ARL10: variants seen among roughly 807,000 people sequenced by gnomAD.
ARL10 encodes the protein ARF like GTPase 10, also known as ADP-ribosylation factor-like protein 10.
A neutral mutation model predicts 26.1 loss-of-function variants in ARL10; 23 were observed. That is an observed-to-expected ratio of 0.88 (90% CI 0.63 to 1.25). The LOEUF (loss-of-function observed/expected upper bound fraction) is 1.25, where lower values mean the gene tolerates loss of function less well. ARL10 is among the 50% of genes most tolerant of loss of function. The pLI is 0.00. For synonymous variants in ARL10, 138 were observed against 149.1 expected, an observed-to-expected ratio of 0.93 and a Z score of 0.54; for missense variants, 300 against 323.6, an observed-to-expected ratio of 0.93 and a Z score of 0.56.
rs950168184 is a variant in ARL10, at chr5:176,378,496, C to T, written c.*6601C>T. Reference sequence around the variant, plus strand: ...AGGGGCTCCACTAGAAGTGAGAAACCCTCTTTGTTTCCATAACATGCCAAA... The same window carrying T: ...AGGGGCTCCACTAGAAGTGAGAAACTCTCTTTGTTTCCATAACATGCCAAA... On this transcript the variant is annotated 3_prime_UTR_variant, in exon 4 of 4. Coordinates refer to ENST00000310389, the MANE Select transcript of ARL10 (RefSeq NM_173664.6). The T allele has an allele frequency of 6.6e-6, 1 of 152,130 alleles. No individual in the cohort carries two copies. Among genetic ancestry groups the T allele is most frequent in the Non-Finnish European group, 1.5e-5 (1 of 68,018 alleles). 9.4% of individuals were successfully genotyped at this position (152,130 alleles called of 1,614,324 possible).
chr5:176,371,211 C>A (rs1768519748), intron 3 of ARL10, among the ~76,000 whole-genome samples: 1 of 152,066 alleles, frequency 6.6e-6, no homozygotes, highest in Admixed American at 6.6e-5. Flanking sequence ...CCCGTCTCTA[C>A]TAAAAATACA....
chr5:176,402,101 G>C (rs867614202), downstream of ARL10, among the ~76,000 whole-genome samples: 1 of 152,052 alleles, frequency 6.6e-6, no homozygotes, highest in African/African-American at 2.4e-5. Context: ...TCAGGAGTTC[G>C]AGACCACCCT....
chr5:176,386,716 AC>A (rs776051600), downstream of ARL10: 32 of 843,272 alleles, frequency 3.8e-5, no homozygotes, highest in African/African-American at 4.6e-4. Context: ...TGAACTTTGA[AC>A]CAGCTCACTT....
chr5:176,384,497 C>T (rs1755675009), downstream of ARL10: 1 of 936,438 alleles, frequency 1.1e-6, no homozygotes, highest in South Asian at 1.6e-5. Flanking sequence ...ACCTCAAAGG[C>T]TGTGGTGCAC....
chr5:176,392,611 G>A (rs75970512), downstream of ARL10: 472 of 704,428 alleles, frequency 6.7e-4, 3 homozygotes, highest in African/African-American at 7.5e-3. The surrounding 1 kb of genome is among the most constrained non-coding windows in gnomAD (Gnocchi z 5.2). Flanking sequence ...AGGAGGGAGC[G>A]AGGCGTGATG....
chr5:176,386,704 T>C (rs763529779), downstream of ARL10: 31 of 792,112 alleles, frequency 3.9e-5, no homozygotes, highest in Admixed American at 3.1e-4. Context: ...GTCCTAACTC[T>C]GTGAACTTTG....
rs1392211746 is a variant in ARL10, at chr5:176,379,784, C to T, written c.*7889C>T. ...TGAATTTAAAAGATCTTCAGCAATT[C>T]TTCCAGTTCCTTTTTGCCTCCTCTT... On this transcript the variant is annotated 3_prime_UTR_variant, in exon 4 of 4. Transcript: ENST00000310389. The T allele has an allele frequency of 6.6e-6, 1 of 152,208 alleles. No homozygotes were observed. The highest frequency in any genetic ancestry group is 1.5e-5 in the Non-Finnish European group (1 of 68,044). The allele number at this position is 152,208 out of a possible 1,614,324, so 9.4% of individuals were successfully genotyped here.
Position 176,368,692 on chromosome 5 carries a change from G to T in ARL10, c.386-115G>T. The stretch of plus-strand genomic sequence containing the variant: ...TGGGGGCTGTGGGCAGTGAGCGGGG[G>T]CCCGGGGTGGGGTGGGGGCTGTGGG... On this transcript the variant is annotated intron_variant, in intron 2 of 3. Transcript: ENST00000310389. The surrounding 1 kb of genome is among the most constrained non-coding windows in gnomAD (Gnocchi z 4.1). 1 of 1,253,736 alleles carries T rather than the reference G, an allele frequency of 8.0e-7. No individual in the cohort carries two copies. The highest frequency in any genetic ancestry group is 2.6e-5 in the East Asian group (1 of 38,240). 77.7% of individuals were successfully genotyped at this position (1,253,736 alleles called of 1,614,324 possible). A position where few individuals can be genotyped will look rare whatever the true frequency, so the allele number is the denominator to read the frequency against.
intron 3 of ARL10, 76 bp from the exon 4 acceptor site, chr5:176,371,646 T>C: frequency 8.2e-7 from 1 of 1,217,790 alleles, no homozygotes; most frequent in East Asian, 2.3e-5. Flanking sequence ...AAGAACAGTG[T>C]GTTTCATGAA....
chr5:176,389,089 C>A, downstream of ARL10: 1 of 1,362,520 alleles, frequency 7.3e-7, no homozygotes, highest in Non-Finnish European at 1.0e-6. Flanking sequence ...AGAGAAGAGA[C>A]GAGGGGGCGG....
chr5:176,387,872 G>A (rs1756010758), intron 1 of ARL10, among the ~76,000 whole-genome samples: 1 of 152,098 alleles, frequency 6.6e-6, no homozygotes, highest in African/African-American at 2.4e-5. Flanking sequence ...CTCAGACCAA[G>A]GATGATTGAA....
chr5:176,409,227 G>A, the ARL10 span, among the ~76,000 whole-genome samples: 1 of 146,818 alleles, frequency 6.8e-6, no homozygotes, highest in Non-Finnish European at 1.5e-5. Flanking sequence ...ACCTGCCTTG[G>A]CCTCCCAAAG....
At chr5:176,406,659 G>A, downstream of ARL10, 4 of 1,289,356 alleles carry the variant, frequency 3.1e-6, no homozygotes, top group Non-Finnish European at 4.0e-6. Flanking sequence ...CTCGTCCTTA[G>A]GCTGTATTGG....
rs907914301 is a variant in ARL10 at position 176,376,702 on chromosome 5, G to A, written c.*4807G>A. 16 of 152,168 alleles carry A rather than the reference G, an allele frequency of 1.1e-4. No individual in the cohort carries two copies. Among genetic ancestry groups the A allele is most frequent in the African/African-American group, 3.4e-4 (14 of 41,428 alleles). The allele number at this position is 152,168 out of a possible 1,614,324, so 9.4% of individuals were successfully genotyped here. A position where few individuals can be genotyped will look rare whatever the true frequency, so the allele number is the denominator to read the frequency against. On this transcript the variant is annotated 3_prime_UTR_variant, in exon 4 of 4. Transcript: ENST00000310389. ...ATGTCTAGGACGTGATCTGCTTCTGGGGAAAAACTTCCCTGGTTAGCTTTA... is the reference window on the plus strand; with the variant it reads ...ATGTCTAGGACGTGATCTGCTTCTGAGGAAAAACTTCCCTGGTTAGCTTTA...
chr5:176,410,127 G>C, the ARL10 span: 2 of 785,146 alleles, frequency 2.5e-6, no homozygotes, highest in Middle Eastern at 6.1e-4. Context: ...CTTTCTCTAT[G>C]TTTCCACCCC....
At chr5:176,406,375 A>G (rs1757121276), downstream of ARL10, 3 of 1,130,080 alleles carry the variant, frequency 2.7e-6, no homozygotes, top group African/African-American at 5.0e-5. Flanking sequence ...TGCTGGGCCC[A>G]CCCATGAGAA....
chr5:176,372,994 C>T lies in ARL10; in HGVS notation c.*1099C>T, dbSNP rs190790433. On this transcript the variant is annotated 3_prime_UTR_variant, in exon 4 of 4. Transcript: ENST00000310389. Reference sequence around the variant, plus strand: ...TCCTCCCACCTGGCTTTGAGGCTGTCGTCGATATCATAGTACTTTACATGG... The same window carrying T: ...TCCTCCCACCTGGCTTTGAGGCTGTTGTCGATATCATAGTACTTTACATGG... The T allele has an allele frequency of 6.4e-4, 254 of 398,554 alleles. No homozygotes were observed. Among genetic ancestry groups the T allele is most frequent in the African/African-American group, 2.8e-3 (137 of 48,722 alleles). The allele number at this position is 398,554 out of a possible 1,614,324, so 24.7% of individuals were successfully genotyped here.
intron 1 of ARL10, among the ~76,000 whole-genome samples, chr5:176,387,958 ATAAAT>A (rs968784369): frequency 3.9e-5 from 6 of 152,188 alleles, no homozygotes; most frequent in South Asian, 2.1e-4. Context: ...GTAGAAAAAG[ATAAAT>A]TAAGGAAAAT....
downstream of ARL10, among the ~76,000 whole-genome samples, chr5:176,391,860 C>G (rs1387998048): frequency 1.3e-5 from 2 of 152,234 alleles, no homozygotes; most frequent in Non-Finnish European, 2.9e-5. Flanking sequence ...AATTTCTGTT[C>G]TAAGCCAGCT....
Sources: gnomAD v4.1 joint callset for allele counts (sites outside exome capture counted in the v4.1 genomes callset) on GRCh38, gnomAD v4.1.1 for gene constraint, Gnocchi (gnomAD v3.1) non-coding constraint, MANE v1.5 for transcripts, NCBI Gene and HGNC (gene_info 2026-07-23, HGNC 2026-07-21) for gene names.